ESRP1: variants seen among roughly 807,000 people sequenced by gnomAD.
ESRP1 encodes epithelial splicing regulatory protein 1.
A neutral mutation model predicts 81.7 loss-of-function variants in ESRP1; 33 were observed. The observed-to-expected ratio is 0.40, with a 90% CI of 0.31 to 0.54. The LOEUF (loss-of-function observed/expected upper bound fraction) is 0.54, where lower values mean the gene tolerates loss of function less well. Ranked by LOEUF, ESRP1 falls within the 20% of genes least tolerant of loss-of-function variation. ESRP1 has a pLI of 0.41. For missense variants in ESRP1, 672 were observed against 833.1 expected, an observed-to-expected ratio of 0.81 and a Z score of 2.38; for synonymous variants, 320 against 303.3, an observed-to-expected ratio of 1.06 and a Z score of -0.57.
rs1312350890 is a variant in ESRP1, at chr8:94,645,472, A to T, written c.376-696A>T. On this transcript the variant is annotated intron_variant, in intron 3 of 15. Transcript: ENST00000433389. ...ACAATAGTGTAATATTTGTCCAGAC[A>T]GTTGAGCTTTGCTTCGTAGCCACGG... Among the ~76,000 whole-genome samples the T allele has an allele frequency of 2.0e-5, 3 of 151,982 alleles. 1 individual carries two copies. Among genetic ancestry groups the T allele is most frequent in the South Asian group, 4.1e-4 (2 of 4,832 alleles).
At chr8:94,661,634 G>A (rs953559869) in intron 4 of ESRP1, among the ~76,000 whole-genome samples, 1 of 152,190 alleles carries the variant, frequency 6.6e-6, no homozygotes, top group Admixed American at 6.5e-5. Flanking sequence ...GTGTTTCAAA[G>A]AGTATACTTT....
At chr8:94,693,850 C>G (rs1809496512) in intron 14 of ESRP1, among the ~76,000 whole-genome samples, 1 of 152,098 alleles carries the variant, frequency 6.6e-6, no homozygotes, top group Non-Finnish European at 1.5e-5. Flanking sequence ...GCTACCAGCC[C>G]AAACCTACCA....
At chr8:94,658,904 ATT>A (rs995560709) in intron 4 of ESRP1, among the ~76,000 whole-genome samples, 1 of 152,016 alleles carries the variant, frequency 6.6e-6, no homozygotes, top group Non-Finnish European at 1.5e-5. Flanking sequence ...CAGTTGTTGT[ATT>A]TTGTCTTTTT....
Position 94,707,281 on chromosome 8 carries a change from G to C in ESRP1, c.*1392G>C, listed in dbSNP as rs1810101463. The C allele has an allele frequency of 1.3e-5, 2 of 152,088 alleles. No individual in the cohort carries two copies. The highest frequency in any genetic ancestry group is 2.9e-5 in the Non-Finnish European group (2 of 68,016). 9.4% of individuals were successfully genotyped at this position (152,088 alleles called of 1,614,324 possible). A position where few individuals can be genotyped will look rare whatever the true frequency, so the allele number is the denominator to read the frequency against. On this transcript the variant is annotated 3_prime_UTR_variant, in exon 16 of 16. Transcript: ENST00000433389. ...AATAGGAAGAAAAAAAAAAAGGTTT[G>C]TGTGAAAATTGGTGATAACTGGCAC...
At chr8:94,667,764 AT>A (rs1434515414) in intron 9 of ESRP1, among the ~76,000 whole-genome samples, 184 bp from the exon 10 acceptor site, 4 of 152,184 alleles carry the variant, frequency 2.6e-5, no homozygotes, top group African/African-American at 7.2e-5. Flanking sequence ...AGGATGTTTT[AT>A]GAAAAAGGGG....
chr8:94,643,275 C>A, intron 2 of ESRP1, 28 bp from the exon 3 acceptor site: 1 of 1,445,618 alleles, frequency 6.9e-7, no homozygotes, highest in South Asian at 1.1e-5. Flanking sequence ...GCATCAGTTG[C>A]ATCCCTATGT....
chr8:94,646,337 T>A, intron 4 of ESRP1, 55 bp downstream of exon 4: 134 of 599,798 alleles, frequency 2.2e-4, no homozygotes, highest in Non-Finnish European at 3.0e-4. Flanking sequence ...CCAGAAAAGG[T>A]AATTCAAGAA....
At chr8:94,673,543 A>C (rs961375384) in intron 11 of ESRP1, among the ~76,000 whole-genome samples, 1 of 152,206 alleles carries the variant, frequency 6.6e-6, no homozygotes, top group African/African-American at 2.4e-5. Flanking sequence ...TCCCCCATAA[A>C]ACATTCGTGC....
At chr8:94,686,308 A>T (rs1012991639) in intron 13 of ESRP1, among the ~76,000 whole-genome samples, 11 of 152,194 alleles carry the variant, frequency 7.2e-5, no homozygotes, top group African/African-American at 2.7e-4. Flanking sequence ...ATATTAACTC[A>T]TGTATTTCAT....
At chr8:94,670,195 A>G (rs373791075) in intron 10 of ESRP1, among the ~76,000 whole-genome samples, 7 of 152,274 alleles carry the variant, frequency 4.6e-5, no homozygotes, top group East Asian at 3.9e-4. Context: ...TAAGTTTTGA[A>G]CTAGTCATAG....
chr8:94,668,146 T>C lies in ESRP1; in HGVS notation c.1129T>C (p.Phe377Leu). 6.2e-7 allele frequency: 1 copy of C among 1,614,028 alleles called. No individual in the cohort carries two copies. The highest frequency in any genetic ancestry group is 8.5e-7 in the Non-Finnish European group (1 of 1,179,894). ...GRPTGDAFVL[F>L]ACEEYAQNAL... ...GCCAACAGGGGACGCTTTTGTCCTC[T>C]TTGCCTGTGAGGAATATGCACAGAA... Residue 377 changes from phenylalanine (F) to leucine (L), a missense_variant, in exon 10 of 16, where the codon TTT becomes CTT. Physicochemically the swap from Phe to Leu is conservative, Grantham distance 22. Transcript: ENST00000433389.
At chr8:94,688,320 C>T (rs1264679132) in intron 13 of ESRP1, 2 of 209,758 alleles carry the variant, frequency 9.5e-6, no homozygotes, top group African/African-American at 2.4e-5. Flanking sequence ...AGGCTGTGCC[C>T]AGTGTTATTG....
chr8:94,658,017 T>G (rs1818522853), intron 4 of ESRP1, among the ~76,000 whole-genome samples: 1 of 152,136 alleles, frequency 6.6e-6, no homozygotes, highest in Non-Finnish European at 1.5e-5. Flanking sequence ...GTTCAAGCGA[T>G]TTTTGTGCCT....
At chr8:94,648,932 C>A (rs776356349) in intron 4 of ESRP1, among the ~76,000 whole-genome samples, 3 of 152,074 alleles carry the variant, frequency 2.0e-5, no homozygotes, top group African/African-American at 4.8e-5. Context: ...AACAAAAATC[C>A]ATTTTTGGCT....
chr8:94,647,174 A>C (rs1049906166), intron 4 of ESRP1, among the ~76,000 whole-genome samples: 1 of 152,164 alleles, frequency 6.6e-6, no homozygotes, highest in African/African-American at 2.4e-5. Context: ...CATATATTTC[A>C]TAACTACTTG....
intron 4 of ESRP1, among the ~76,000 whole-genome samples, chr8:94,656,373 C>G (rs1314694155): frequency 6.6e-6 from 1 of 152,052 alleles, no homozygotes; most frequent in Non-Finnish European, 1.5e-5. Flanking sequence ...CGCGTGCCAC[C>G]ACGCCCGGCT....
At chr8:94,666,449 G>A (rs1819021108) in intron 9 of ESRP1, among the ~76,000 whole-genome samples, 1 of 152,130 alleles carries the variant, frequency 6.6e-6, no homozygotes, top group Non-Finnish European at 1.5e-5. Flanking sequence ...CTCTGTATGC[G>A]CCACTCATTG....
In ESRP1 at chr8:94,675,752, C is replaced by T. The variant is rs559207540; in HGVS notation, c.1651+1246C>T. Among the ~76,000 whole-genome samples, 4 of 152,290 alleles carry T rather than the reference C, an allele frequency of 2.6e-5. No individual in the cohort carries two copies. In the South Asian group the frequency reaches 8.3e-4, roughly 32 times the overall value. On this transcript the variant is annotated intron_variant, in intron 12 of 15. Coordinates refer to ENST00000433389, the MANE Select transcript of ESRP1 (RefSeq NM_017697.4). ...TGGAATATCCTTTCACTTGTCCCTCCTCCTGGTCATTACAGATTTTTCCTC... is the reference window on the plus strand; with the variant it reads ...TGGAATATCCTTTCACTTGTCCCTCTTCCTGGTCATTACAGATTTTTCCTC...
chr8:94,643,482 T>G, intron 3 of ESRP1, 66 bp downstream of exon 3: 1 of 1,097,174 alleles, frequency 9.1e-7, no homozygotes, highest in Non-Finnish European at 1.4e-6. Context: ...TTTTTAAAAA[T>G]TTTTGGTTTA....
Sources: allele counts gnomAD v4.1 joint callset (sites outside exome capture counted in the v4.1 genomes callset), GRCh38; gene constraint gnomAD v4.1.1; transcripts MANE v1.5; gene names NCBI Gene and HGNC (gene_info 2026-07-23, HGNC 2026-07-21).